Variants in PUM1 observed in about 807,000 individuals in gnomAD.
PUM1 encodes pumilio homolog 1.
Under a neutral mutation model 131.8 loss-of-function variants are expected in PUM1, and 13 were observed. The observed-to-expected ratio is 0.10, with a 90% CI of 0.06 to 0.16. PUM1 has a LOEUF of 0.16. Ranked by LOEUF, PUM1 falls within the 10% of genes least tolerant of loss-of-function variation. The probability of loss-of-function intolerance (pLI) is 1.00; values close to 1 mark genes in which losing one functional copy is unlikely to be tolerated. For missense variants in PUM1, 961 were observed against 1,512.4 expected (o/e 0.64, Z 6.05); for synonymous variants, 509 against 556.5 (o/e 0.91, Z 1.20).
At chr1:31,024,264 CT>C (rs1643144644) in intron 3 of PUM1, among the ~76,000 whole-genome samples, 1 of 152,166 alleles carries the variant, frequency 6.6e-6, no homozygotes, top group African/African-American at 2.4e-5. Flanking sequence ...CAAATTTTGC[CT>C]TTCTTTGGAT....
At chr1:30,941,324 AGGTTACTTAAGTCC>A (rs1177712332) in intron 19 of PUM1, 52 bp from the exon 20 acceptor site, 5 of 1,561,056 alleles carry the variant, frequency 3.2e-6, no homozygotes, top group Non-Finnish European at 3.5e-6. Context: ...CCAGTTCTGC[AGGTTACTTAAGTCC>A]TTATATCTAA....
intron 7 of PUM1, among the ~76,000 whole-genome samples, chr1:30,989,187 T>A (rs1411968971): frequency 2.0e-5 from 3 of 152,164 alleles, no homozygotes; most frequent in Non-Finnish European, 4.4e-5. Context: ...TTCTACATTA[T>A]CTACTGAACA....
At chr1:30,960,499 A>C (rs1353073811) in intron 14 of PUM1, among the ~76,000 whole-genome samples, 1 of 152,242 alleles carries the variant, frequency 6.6e-6, no homozygotes, top group East Asian at 1.9e-4. Flanking sequence ...AAAATCCTAC[A>C]GAATCCACCC....
At chr1:30,935,366 C>A (rs1160434539) in intron 21 of PUM1, among the ~76,000 whole-genome samples, 3 of 152,334 alleles carry the variant, frequency 2.0e-5, no homozygotes, top group Admixed American at 2.0e-4. Flanking sequence ...ATAGAAGACA[C>A]CCTGCCCATT....
intron 9 of PUM1, among the ~76,000 whole-genome samples, chr1:30,977,500 TACGCTGGTC>T (rs1641185086): frequency 6.6e-6 from 1 of 152,234 alleles, no homozygotes; most frequent in Non-Finnish European, 1.5e-5. Context: ...TCTACTACTA[TACGCTGGTC>T]ACATGGCCTA....
chr1:30,994,055 G>GT (rs1254550668), intron 6 of PUM1, among the ~76,000 whole-genome samples: 1 of 152,110 alleles, frequency 6.6e-6, no homozygotes, highest in South Asian at 2.1e-4. Context: ...GAGTAACAGA[G>GT]TGAGACCCTG....
At chr1:30,954,040 G>GA in intron 14 of PUM1, 59 bp from the exon 15 acceptor site, 2 of 1,537,542 alleles carry the variant, frequency 1.3e-6, no homozygotes, top group Non-Finnish European at 1.8e-6. Context: ...ATTCAAGAGA[G>GA]AAAAAAGCAT....
At chr1:31,044,896 G>A (rs963999060) in intron 2 of PUM1, among the ~76,000 whole-genome samples, 10 of 152,028 alleles carry the variant, frequency 6.6e-5, no homozygotes, top group Admixed American at 2.0e-4. Context: ...TGCAACCTCC[G>A]CCTCCCGGAT....
chr1:31,034,131 TCACTAAAAA>T (rs1643527980), intron 2 of PUM1, among the ~76,000 whole-genome samples: 1 of 152,176 alleles, frequency 6.6e-6, no homozygotes, highest in Non-Finnish European at 1.5e-5. Context: ...TGGAATAAAA[TCACTAAAAA>T]CGACACAGGT....
intron 2 of PUM1, among the ~76,000 whole-genome samples, chr1:31,046,396 T>TA (rs781002845): frequency 1.5e-4 from 23 of 150,750 alleles, no homozygotes; most frequent in African/African-American, 4.9e-5. Flanking sequence ...CAAAACAAAA[T>TA]TAAAAAAATC....
chr1:30,968,888 A>G (rs112658386), intron 10 of PUM1, among the ~76,000 whole-genome samples: 1 of 152,240 alleles, frequency 6.6e-6, no homozygotes, highest in Non-Finnish European at 1.5e-5. Flanking sequence ...AGTGAGACAG[A>G]GCAATGAACA....
intron 9 of PUM1, among the ~76,000 whole-genome samples, chr1:30,976,198 T>C (rs923767332): frequency 2.6e-5 from 4 of 152,250 alleles, no homozygotes; most frequent in African/African-American, 9.6e-5. Flanking sequence ...ACAACAGAGA[T>C]ATAACAAAAT....
chr1:31,017,786 T>A (rs1468038998), intron 3 of PUM1, among the ~76,000 whole-genome samples: 1 of 152,096 alleles, frequency 6.6e-6, no homozygotes. Context: ...ATGTCAGCTG[T>A]CAGTGAGACT....
chr1:31,062,294 T>TA (rs1342099862), intron 1 of PUM1, among the ~76,000 whole-genome samples: 1 of 152,148 alleles, frequency 6.6e-6, no homozygotes, highest in Non-Finnish European at 1.5e-5. Context: ...GTACTTAAGA[T>TA]AGAACACTTG....
chr1:30,941,480 T>C (rs888759339), intron 19 of PUM1, among the ~76,000 whole-genome samples: 3 of 152,228 alleles, frequency 2.0e-5, no homozygotes, highest in African/African-American at 7.2e-5. Context: ...GACAATAGAA[T>C]ATACATATTC....
chr1:30,947,590 T>C (rs1041257355), intron 17 of PUM1, among the ~76,000 whole-genome samples: 1 of 152,196 alleles, frequency 6.6e-6, no homozygotes, highest in Non-Finnish European at 1.5e-5. Flanking sequence ...TGAAATTAAA[T>C]GCCTGCACCA....
chr1:31,025,065 G>A (rs1196400686), intron 3 of PUM1, among the ~76,000 whole-genome samples: 1 of 152,180 alleles, frequency 6.6e-6, no homozygotes, highest in East Asian at 1.9e-4. Flanking sequence ...ATAATTTGTG[G>A]CCTTGATCCT....
At chr1:31,065,560 T>C in intron 1 of PUM1, 56 bp downstream of exon 1, 1 of 1,513,838 alleles carries the variant, frequency 6.6e-7, no homozygotes, top group Non-Finnish European at 8.8e-7. Context: ...GAAGGGACAA[T>C]CTGCTCGTTA....
rs199934899 is a variant in PUM1 at position 30,966,303 on chromosome 1, T to C, written c.1790-25A>G. 9 of 1,547,414 alleles carry C rather than the reference T, an allele frequency of 5.8e-6. No homozygotes were observed. The East Asian group carries it at 1.8e-4, about 31-fold the overall frequency. On this transcript the variant is annotated intron_variant, in intron 12 of 21. Transcript: ENST00000426105. ...GCTATGAAGAAGAAAGCAAACCGTTTGGCTATGAAAGGGACTGGCCACATT... is the reference window on the plus strand; with the variant it reads ...GCTATGAAGAAGAAAGCAAACCGTTCGGCTATGAAAGGGACTGGCCACATT...
Sources: allele counts gnomAD v4.1 joint callset (sites outside exome capture counted in the v4.1 genomes callset), GRCh38; gene constraint gnomAD v4.1.1; transcripts MANE v1.5; gene names NCBI Gene and HGNC (gene_info 2026-07-23, HGNC 2026-07-21).